Variants in CTTNBP2 observed in about 807,000 individuals in gnomAD.
CTTNBP2 encodes the protein cortactin-binding protein 2.
Under a neutral mutation model 156.9 loss-of-function variants are expected in CTTNBP2, and 108 were observed. The observed-to-expected ratio is 0.69, with a 90% CI of 0.59 to 0.81. The LOEUF is 0.81. Among genes scored for constraint, CTTNBP2 ranks in the 30% least tolerant of loss-of-function variants. The pLI is 0.00. For missense variants in CTTNBP2, 1,924 were observed against 2,035.4 expected, an observed-to-expected ratio of 0.95 and a Z score of 1.05; for synonymous variants, 767 against 751.8, an observed-to-expected ratio of 1.02 and a Z score of -0.33.
chr7:117,837,417 C>T (rs781507567), intron 2 of CTTNBP2, among the ~76,000 whole-genome samples: 2 of 152,168 alleles, frequency 1.3e-5, no homozygotes, highest in Non-Finnish European at 2.9e-5. Context: ...TATACCCCTG[C>T]TACCTTCTCT....
At chr7:117,824,318 T>C (rs1234057255) in intron 2 of CTTNBP2, among the ~76,000 whole-genome samples, 1 of 152,218 alleles carries the variant, frequency 6.6e-6, no homozygotes, top group African/African-American at 2.4e-5. Flanking sequence ...ATCTTGGTGG[T>C]AGAATTCATT....
chr7:117,822,601 A>G (rs1801032079), intron 2 of CTTNBP2, among the ~76,000 whole-genome samples: 1 of 152,168 alleles, frequency 6.6e-6, no homozygotes, highest in African/African-American at 2.4e-5. Flanking sequence ...TACTGTCTAA[A>G]TCCCTTTTGG....
intron 6 of CTTNBP2, among the ~76,000 whole-genome samples, chr7:117,782,069 C>T (rs909636257): frequency 6.6e-6 from 1 of 152,110 alleles, no homozygotes; most frequent in Non-Finnish European, 1.5e-5. Context: ...TGATTAATAA[C>T]ATGGGGTCAA....
intron 1 of CTTNBP2, among the ~76,000 whole-genome samples, chr7:117,869,609 A>G (rs1804440573): frequency 6.6e-6 from 1 of 152,226 alleles, no homozygotes. Flanking sequence ...TCATAAAGTT[A>G]TGAGAAACAC....
In CTTNBP2 at chr7:117,735,090, C is replaced by T. The variant is rs1205555806; in HGVS notation, c.3699G>A (p.Leu1233=). The T allele has an allele frequency of 7.4e-6, 12 of 1,612,068 alleles. No homozygotes were observed. The highest frequency in any genetic ancestry group is 1.3e-5 in the African/African-American group (1 of 74,854). ...SPCTFQKGNG[L]SECYYFHENC... ...TCTCATGAAAGTAATAACATTCGGACAGTCCATTTCCTGAAACAAACCAAA... is the reference window on the plus strand; with the variant it reads ...TCTCATGAAAGTAATAACATTCGGATAGTCCATTTCCTGAAACAAACCAAA... The change falls in exon 16 of 23, where the codon CTG becomes CTA. Residue 1233 remains leucine, a synonymous_variant. Coordinates refer to ENST00000160373, the MANE Select transcript of CTTNBP2 (RefSeq NM_033427.3).
At chr7:117,863,611 T>C (rs548040081) in intron 1 of CTTNBP2, among the ~76,000 whole-genome samples, 4 of 152,364 alleles carry the variant, frequency 2.6e-5, no homozygotes, top group East Asian at 3.9e-4. Context: ...ACGGACTACA[T>C]GGTGAGGAGC....
At chr7:117,723,728 A>C (rs1393306138) in intron 19 of CTTNBP2, among the ~76,000 whole-genome samples, 1 of 151,760 alleles carries the variant, frequency 6.6e-6, no homozygotes, top group Non-Finnish European at 1.5e-5. Context: ...ATTTATTAGA[A>C]TATAAACTCG....
intron 16 of CTTNBP2, among the ~76,000 whole-genome samples, chr7:117,728,747 A>T (rs1383612042): frequency 2.6e-5 from 4 of 152,216 alleles, no homozygotes; most frequent in Non-Finnish European, 5.9e-5. Context: ...TTTAAGATCT[A>T]CTCTCAGCAA....
chr7:117,741,077 G>A (rs1415506906), intron 14 of CTTNBP2, among the ~76,000 whole-genome samples: 1 of 152,202 alleles, frequency 6.6e-6, no homozygotes, highest in Non-Finnish European at 1.5e-5. Context: ...CTGTCTGAAT[G>A]GTTTTTTATC....
chr7:117,744,042 A>C (rs766329004), intron 14 of CTTNBP2, among the ~76,000 whole-genome samples: 1 of 152,060 alleles, frequency 6.6e-6, no homozygotes, highest in Admixed American at 6.6e-5. Flanking sequence ...TTGTGGCTAC[A>C]TAGTAGGTGT....
intron 1 of CTTNBP2, among the ~76,000 whole-genome samples, chr7:117,869,762 GGC>G (rs1804450149): frequency 1.3e-5 from 2 of 151,440 alleles, no homozygotes; most frequent in African/African-American, 4.9e-5. Context: ...CAAAAACTGG[GGC>G]AAACAGAAAT....
intron 22 of CTTNBP2, among the ~76,000 whole-genome samples, chr7:117,716,329 T>C (rs1046122311): frequency 2.6e-5 from 4 of 151,956 alleles, no homozygotes; most frequent in African/African-American, 9.7e-5. Flanking sequence ...TTATTAGACA[T>C]TTAAGCAGCA....
intron 4 of CTTNBP2, among the ~76,000 whole-genome samples, chr7:117,788,042 A>T (rs949086195): frequency 6.6e-6 from 1 of 152,164 alleles, no homozygotes; most frequent in Non-Finnish European, 1.5e-5. Flanking sequence ...TGGCATGATT[A>T]TGGCTCACTG....
At chr7:117,835,464 A>G (rs1322642818) in intron 2 of CTTNBP2, among the ~76,000 whole-genome samples, 1 of 152,208 alleles carries the variant, frequency 6.6e-6, no homozygotes, top group Non-Finnish European at 1.5e-5. Flanking sequence ...GGGGGTCAAC[A>G]GTTAGAAGCA....
intron 2 of CTTNBP2, among the ~76,000 whole-genome samples, chr7:117,817,540 C>T (rs1268410503): frequency 6.6e-6 from 1 of 150,376 alleles, no homozygotes; most frequent in Non-Finnish European, 1.5e-5. Flanking sequence ...CTAGTTTGCA[C>T]ATTAGTGAAA....
chr7:117,769,451 G>C (rs1323008886), intron 8 of CTTNBP2, among the ~76,000 whole-genome samples: 1 of 152,152 alleles, frequency 6.6e-6, no homozygotes, highest in Non-Finnish European at 1.5e-5. Flanking sequence ...TTTCTCCCTG[G>C]CTGGCCCTGT....
chr7:117,844,881 G>A (rs1802493306), intron 2 of CTTNBP2, among the ~76,000 whole-genome samples: 1 of 152,146 alleles, frequency 6.6e-6, no homozygotes, highest in Non-Finnish European at 1.5e-5. Context: ...CAATGAAACT[G>A]AAAGCAGCTG....
At position 117,835,955 on chromosome 7, in the gene CTTNBP2, C is replaced by T. The variant is rs34042371; in HGVS notation, c.190-24966G>A. On this transcript the variant is annotated intron_variant, in intron 2 of 22. Transcript: ENST00000160373. ...TAATACCTACAACTAATACCTAAGT[C>T]ACGGGATTACTATAAGGCTTAAAGA... Among the ~76,000 whole-genome samples, 746 of 152,224 alleles carry T rather than the reference C, an allele frequency of 4.9e-3. 35 individuals are homozygous for T. In the East Asian group the frequency reaches 0.11, roughly 23 times the overall value.
chr7:117,869,905 A>G (rs1804464174), intron 1 of CTTNBP2, among the ~76,000 whole-genome samples: 1 of 152,204 alleles, frequency 6.6e-6, no homozygotes, highest in African/African-American at 2.4e-5. Context: ...TGAACCATAT[A>G]GCTGAGACCA....
Sources: allele counts gnomAD v4.1 joint callset (sites outside exome capture counted in the v4.1 genomes callset), GRCh38; gene constraint gnomAD v4.1.1; transcripts MANE v1.5; gene names NCBI Gene and HGNC (gene_info 2026-07-23, HGNC 2026-07-21).